Variants in ADAMTS19 observed in about 807,000 individuals in gnomAD.
ADAMTS19 encodes A disintegrin and metalloproteinase with thrombospondin motifs 19.
In ADAMTS19, 93 loss-of-function variants were observed where a neutral mutation model predicts 153.3. The observed-to-expected ratio is 0.61, with a 90% confidence interval of 0.51 to 0.72. The LOEUF (loss-of-function observed/expected upper bound fraction) is 0.72. Among genes scored for constraint, ADAMTS19 ranks in the 30% least tolerant of loss-of-function variants. The pLI is 0.00. For synonymous variants in ADAMTS19, 600 were observed against 556.6 expected (o/e 1.08, Z -1.10); for missense variants, 1,482 against 1,552.1 (o/e 0.95, Z 0.76).
At chr5:129,621,661 A>G (rs1354090033) in intron 9 of ADAMTS19, among the ~76,000 whole-genome samples, 4 of 152,212 alleles carry the variant, frequency 2.6e-5, no homozygotes, top group Admixed American at 1.3e-4. Flanking sequence ...AGGAACATGC[A>G]TGATTTTGTA....
At chr5:129,667,456 G>A (rs1178064075) in intron 16 of ADAMTS19, among the ~76,000 whole-genome samples, 1 of 152,108 alleles carries the variant, frequency 6.6e-6, no homozygotes, top group Non-Finnish European at 1.5e-5. Context: ...CTCAATACTG[G>A]AGGTGGGGCC....
chr5:129,473,111 T>A (rs1420373643), intron 2 of ADAMTS19, among the ~76,000 whole-genome samples: 1 of 150,662 alleles, frequency 6.6e-6, no homozygotes, highest in Non-Finnish European at 1.5e-5. Flanking sequence ...AAAATAAAAA[T>A]AAAAAAGCAG....
At position 129,527,768 on chromosome 5, in the gene ADAMTS19, C is replaced by T. The variant is rs558484648; in HGVS notation, c.1107C>T (p.His369=). The T allele has an allele frequency of 3.2e-6, 5 of 1,585,826 alleles. No homozygotes were observed. Among genetic ancestry groups the T allele is most frequent in the African/African-American group, 1.3e-5 (1 of 74,178 alleles). The change falls in exon 5 of 23, where the codon CAC becomes CAT. Residue 369 remains histidine, a synonymous_variant. Transcript: ENST00000274487. The part of the protein sequence containing the change: ...ILNMVFNLFQ[H]KSLSVQVNLR... ...TTTAGGTATTTAACCTTTTCCAACA[C>T]AAGAGTCTGAGTGTGCAGGTCAATC...
chr5:129,556,954 A>C (rs1407530692), intron 7 of ADAMTS19, among the ~76,000 whole-genome samples: 4 of 152,198 alleles, frequency 2.6e-5, no homozygotes, highest in African/African-American at 9.6e-5. Flanking sequence ...ACCTTAAGCC[A>C]CTGAATTTGC....
intron 21 of ADAMTS19, among the ~76,000 whole-genome samples, chr5:129,725,013 G>T (rs1203853071): frequency 6.6e-6 from 1 of 152,096 alleles, no homozygotes; most frequent in Non-Finnish European, 1.5e-5. Flanking sequence ...ACCCATGCAA[G>T]CTTCTAGTTT....
At chr5:129,637,716 G>A (rs1410139423) in intron 10 of ADAMTS19, among the ~76,000 whole-genome samples, 4 of 152,138 alleles carry the variant, frequency 2.6e-5, no homozygotes, top group Non-Finnish European at 5.9e-5. Context: ...ATGGTGGCGG[G>A]TGCCTATGAT....
chr5:129,658,307 GAAAAAGAA>G (rs1753638405), intron 14 of ADAMTS19, among the ~76,000 whole-genome samples: 2 of 82,222 alleles, frequency 2.4e-5, no homozygotes, highest in African/African-American at 1.1e-4. Flanking sequence ...AAGAAAGAAA[GAAAAAGAA>G]AGAAAGAAAG....
chr5:129,523,768 C>A (rs1385194466), intron 3 of ADAMTS19, among the ~76,000 whole-genome samples: 1 of 151,904 alleles, frequency 6.6e-6, no homozygotes, highest in African/African-American at 2.4e-5. Flanking sequence ...ACATGAAGGA[C>A]CTCTTCAAGG....
At chr5:129,708,621 T>C (rs1371300077) in intron 21 of ADAMTS19, among the ~76,000 whole-genome samples, 1 of 141,170 alleles carries the variant, frequency 7.1e-6, no homozygotes, top group Non-Finnish European at 1.5e-5. Context: ...AAAAGAGTAC[T>C]ATTTTATCTA....
intron 7 of ADAMTS19, among the ~76,000 whole-genome samples, chr5:129,586,135 A>G (rs1749784641): frequency 1.3e-5 from 2 of 152,168 alleles, no homozygotes; most frequent in South Asian, 2.1e-4. Context: ...CACCACTAGA[A>G]TGGTACATTA....
chr5:129,641,359 A>G (rs973117107), intron 10 of ADAMTS19, among the ~76,000 whole-genome samples: 4 of 152,232 alleles, frequency 2.6e-5, no homozygotes, highest in African/African-American at 9.6e-5. Context: ...ACAGAAACAT[A>G]CACACTAAGA....
chr5:129,634,249 C>T (rs1308569124), intron 10 of ADAMTS19, among the ~76,000 whole-genome samples: 1 of 152,068 alleles, frequency 6.6e-6, no homozygotes, highest in East Asian at 1.9e-4. Flanking sequence ...AAGATCTCTA[C>T]ATGCAGAAAT....
intron 7 of ADAMTS19, among the ~76,000 whole-genome samples, chr5:129,559,933 C>T (rs1266789637): frequency 6.6e-6 from 1 of 152,124 alleles, no homozygotes. Context: ...TTCTTTCTTA[C>T]AAACCAGTTC....
At chr5:129,649,056 T>C in intron 13 of ADAMTS19, 86 bp downstream of exon 13, 1 of 1,266,380 alleles carries the variant, frequency 7.9e-7, no homozygotes. Context: ...TTATTTTACC[T>C]ATTATCTTCA....
At chr5:129,586,842 C>T (rs1203668643) in intron 7 of ADAMTS19, among the ~76,000 whole-genome samples, 2 of 152,108 alleles carry the variant, frequency 1.3e-5, no homozygotes, top group Non-Finnish European at 2.9e-5. Context: ...GAATTTGGGC[C>T]TTGCTGAGCT....
intron 19 of ADAMTS19, among the ~76,000 whole-genome samples, chr5:129,695,810 G>C (rs1188817325): frequency 6.6e-6 from 1 of 152,162 alleles, no homozygotes; most frequent in Admixed American, 6.5e-5. Context: ...AGCCCGGTGA[G>C]TTAGGAAAGA....
At chr5:129,496,030 A>G (rs1396857746) in intron 2 of ADAMTS19, among the ~76,000 whole-genome samples, 1 of 152,110 alleles carries the variant, frequency 6.6e-6, no homozygotes, top group Non-Finnish European at 1.5e-5. Context: ...TCATAGCTAC[A>G]TTTGTATTTG....
chr5:129,527,770 A>G lies in ADAMTS19; in HGVS notation c.1109A>G (p.Lys370Arg), dbSNP rs768193614. 1.9e-6 allele frequency: 3 copies of G among 1,588,414 alleles called. No homozygotes were observed. Among genetic ancestry groups the G allele is most frequent in the South Asian group, 2.3e-5 (2 of 88,664 alleles). The change falls in exon 5 of 23, where the codon AAG becomes AGG. Residue 370 changes from lysine (K) to arginine (R), a missense_variant. Lys to Arg is a conservative substitution (Grantham distance 26). This residue lies in a region of ADAMTS19 where 866 missense variants were observed against 827.7 expected (regional missense o/e 1.05). Transcript: ENST00000274487. ...TAGGTATTTAACCTTTTCCAACACAAGAGTCTGAGTGTGCAGGTCAATCTT... is the reference window on the plus strand; with the variant it reads ...TAGGTATTTAACCTTTTCCAACACAGGAGTCTGAGTGTGCAGGTCAATCTT... ...LNMVFNLFQH[K>R]SLSVQVNLRV...
At chr5:129,578,968 T>G (rs1053898172) in intron 7 of ADAMTS19, among the ~76,000 whole-genome samples, 3 of 152,078 alleles carry the variant, frequency 2.0e-5, no homozygotes, top group Admixed American at 2.0e-4. Context: ...GTAATGGGAT[T>G]GCTGGGTCAA....
Sources: gnomAD v4.1 joint callset for allele counts (sites outside exome capture counted in the v4.1 genomes callset) on GRCh38, gnomAD v4.1.1 for gene constraint, gnomAD v4.1.1 regional missense constraint, MANE v1.5 for transcripts, NCBI Gene and HGNC (gene_info 2026-07-23, HGNC 2026-07-21) for gene names.